STPG2: variants seen among roughly 807,000 people sequenced by gnomAD.
The protein encoded by STPG2 is sperm-tail PG-rich repeat-containing protein 2.
Under a neutral mutation model 54.2 loss-of-function variants are expected in STPG2, and 56 were observed. The ratio of observed to expected loss-of-function variants is 1.03; its 90% confidence interval spans 0.83 to 1.29. STPG2 has a LOEUF of 1.29. Among genes scored for constraint, STPG2 ranks in the 50% most tolerant of loss-of-function variants. The probability of loss-of-function intolerance (pLI) is 0.00; values close to 1 mark genes in which losing one functional copy is unlikely to be tolerated. For missense variants in STPG2, 596 were observed against 544.9 expected (o/e 1.09, Z -0.93); for synonymous variants, 200 against 181.8 (o/e 1.10, Z -0.81).
intron 10 of STPG2, among the ~76,000 whole-genome samples, chr4:97,606,578 C>T (rs1380931243): frequency 6.6e-6 from 1 of 151,940 alleles, no homozygotes; most frequent in Non-Finnish European, 1.5e-5. Context: ...AAATGTAATA[C>T]AAGTTTGAGT....
chr4:97,532,886 TTTC>T (rs1350483325), intron 4 of STPG2, among the ~76,000 whole-genome samples: 3 of 152,156 alleles, frequency 2.0e-5, no homozygotes, highest in Admixed American at 2.0e-4. Flanking sequence ...CATATTTTCT[TTTC>T]TTTTTTCTTT....
chr4:97,966,977 T>A (rs1314420338), intron 7 of STPG2, among the ~76,000 whole-genome samples: 1 of 151,988 alleles, frequency 6.6e-6, no homozygotes, highest in Non-Finnish European at 1.5e-5. Context: ...CCAGCTAACA[T>A]CATAATGACA....
At chr4:97,984,490 G>A (rs1734771751) in intron 5 of STPG2, among the ~76,000 whole-genome samples, 1 of 151,968 alleles carries the variant, frequency 6.6e-6, no homozygotes, top group Admixed American at 6.6e-5. Context: ...TCCAATTCCA[G>A]CCCCCATCGA....
At chr4:97,894,623 G>A (rs894418990) in intron 8 of STPG2, among the ~76,000 whole-genome samples, 2 of 151,830 alleles carry the variant, frequency 1.3e-5, no homozygotes, top group African/African-American at 4.8e-5. Flanking sequence ...CTCTTCAGCT[G>A]TCAGCTTATT....
At chr4:97,822,303 G>C (rs1385073420) in intron 9 of STPG2, among the ~76,000 whole-genome samples, 8 of 152,126 alleles carry the variant, frequency 5.3e-5, no homozygotes, top group Non-Finnish European at 1.0e-4. Context: ...TTTCATCTGA[G>C]ACCTTGTCAG....
At chr4:98,093,532 A>C (rs1049470657) in intron 5 of STPG2, among the ~76,000 whole-genome samples, 1 of 152,208 alleles carries the variant, frequency 6.6e-6, no homozygotes, top group African/African-American at 2.4e-5. Context: ...CTCCTGCTGG[A>C]ACACAAAATT....
intron 10 of STPG2, among the ~76,000 whole-genome samples, chr4:97,708,838 C>A (rs1435832389): frequency 6.6e-6 from 1 of 151,210 alleles, no homozygotes; most frequent in Non-Finnish European, 1.5e-5. Flanking sequence ...TTTAAAATTA[C>A]CCAGAATGAG....
intron 4 of STPG2, among the ~76,000 whole-genome samples, chr4:97,460,751 C>T (rs1476713196): frequency 6.6e-6 from 1 of 152,136 alleles, no homozygotes; most frequent in Non-Finnish European, 1.5e-5. Flanking sequence ...GTTCCCACAC[C>T]CAGTCACAAC....
chr4:97,936,695 G>C (rs1292667457), intron 8 of STPG2, among the ~76,000 whole-genome samples: 1 of 152,144 alleles, frequency 6.6e-6, no homozygotes, highest in African/African-American at 2.4e-5. Flanking sequence ...TAAGAATGTT[G>C]AACATTGGCC....
chr4:97,582,538 TTA>T (rs1411476838), intron 10 of STPG2, among the ~76,000 whole-genome samples: 2 of 152,108 alleles, frequency 1.3e-5, no homozygotes, highest in Non-Finnish European at 2.9e-5. Flanking sequence ...ATCTTTCTGA[TTA>T]TGTTTTTGTC....
At chr4:98,137,188 A>C (rs888129035) in intron 1 of STPG2, among the ~76,000 whole-genome samples, 1 of 151,832 alleles carries the variant, frequency 6.6e-6, no homozygotes, top group African/African-American at 2.4e-5. Flanking sequence ...AAAAAGCTGG[A>C]GTGCCTATAT....
chr4:98,117,976 T>C (rs1739570568), intron 3 of STPG2, among the ~76,000 whole-genome samples: 1 of 152,128 alleles, frequency 6.6e-6, no homozygotes, highest in South Asian at 2.1e-4. Context: ...CATTTTTTTA[T>C]TATTTGCATG....
chr4:97,947,517 A>G (rs1172771106), intron 7 of STPG2, among the ~76,000 whole-genome samples: 1 of 152,078 alleles, frequency 6.6e-6, no homozygotes, highest in African/African-American at 2.4e-5. Flanking sequence ...ACTTTTCCTC[A>G]TTCAATATAA....
chr4:98,058,274 T>C (rs1560659144), intron 5 of STPG2, among the ~76,000 whole-genome samples: 1 of 151,976 alleles, frequency 6.6e-6, no homozygotes, highest in Non-Finnish European at 1.5e-5. Context: ...GCAAGCTAAA[T>C]AAAAAAGCAA....
intron 5 of STPG2, among the ~76,000 whole-genome samples, chr4:98,041,065 T>C (rs182864723): frequency 2.3e-3 from 347 of 151,946 alleles, no homozygotes; most frequent in Non-Finnish European, 3.9e-3. Context: ...TGGTTAAATA[T>C]ATTCCTAGGT....
intron 10 of STPG2, among the ~76,000 whole-genome samples, chr4:97,652,055 A>C (rs1201852055): frequency 6.6e-6 from 1 of 151,898 alleles, no homozygotes; most frequent in Non-Finnish European, 1.5e-5. Flanking sequence ...ACAGCTGTAG[A>C]ATCTTAAACA....
chr4:97,545,314 TA>T, intron 4 of STPG2, among the ~76,000 whole-genome samples: 1 of 152,182 alleles, frequency 6.6e-6, no homozygotes, highest in South Asian at 2.1e-4. Flanking sequence ...CATTGGCTCA[TA>T]AAAAAGGGCT....
chr4:97,872,207 G>A (rs539605527), intron 8 of STPG2, among the ~76,000 whole-genome samples: 6 of 151,118 alleles, frequency 4.0e-5, no homozygotes, highest in East Asian at 1.9e-4. Context: ...AAGTGCTAGG[G>A]GTATTTCACT....
At chr4:97,967,423 C>A (rs1393483104) in intron 7 of STPG2, among the ~76,000 whole-genome samples, 1 of 151,950 alleles carries the variant, frequency 6.6e-6, no homozygotes, top group Non-Finnish European at 1.5e-5. Flanking sequence ...ACTTGAACAC[C>A]CCACTGTCAA....
Sources: gnomAD v4.1 joint callset for allele counts (sites outside exome capture counted in the v4.1 genomes callset) on GRCh38, gnomAD v4.1.1 for gene constraint, MANE v1.5 for transcripts, NCBI Gene and HGNC (gene_info 2026-07-23, HGNC 2026-07-21) for gene names.